The following FMO1 variants were observed in gnomAD, a reference collection of about 807,000 sequenced individuals.
FMO1 encodes the protein flavin containing dimethylaniline monoxygenase 1.
Under a neutral mutation model 45.4 loss-of-function variants are expected in FMO1, and 36 were observed. The observed-to-expected ratio is 0.79, with a 90% CI of 0.61 to 1.05. The LOEUF (loss-of-function observed/expected upper bound fraction) is 1.05. Among genes scored for constraint, FMO1 ranks in the 50% least tolerant of loss-of-function variants. The pLI is 0.00. For missense variants in FMO1, 615 were observed against 640.3 expected (o/e 0.96, Z 0.43); for synonymous variants, 228 against 227.2 (o/e 1.00, Z -0.03).
At chr1:171,253,560 G>A (rs544897295) in intron 1 of FMO1, among the ~76,000 whole-genome samples, 4 of 152,116 alleles carry the variant, frequency 2.6e-5, no homozygotes, top group Admixed American at 1.3e-4. Context: ...TCGGGAGTTC[G>A]AGACCAGCCT....
intron 2 of FMO1, among the ~76,000 whole-genome samples, chr1:171,264,973 G>C (rs1228634703): frequency 1.3e-5 from 2 of 152,074 alleles, no homozygotes; most frequent in East Asian, 3.9e-4. Context: ...CCACATGTTT[G>C]TTAGACTACC....
chr1:171,275,417 T>G lies in FMO1; in HGVS notation c.393T>G (p.His131Gln). 1 of 1,613,864 alleles carries G rather than the reference T, an allele frequency of 6.2e-7. No homozygotes were observed. Among genetic ancestry groups the G allele is most frequent in the African/African-American group, 1.3e-5 (1 of 75,068 alleles). ...GCCAATGGGAGGTGGTCACTATGCA[T>G]GAAGAGAAGCAAGAGTCAGCCATCT... ...VSGQWEVVTM[H>Q]EEKQESAIFD... is the part of the protein sequence containing the mutation. The change falls in exon 4 of 9, where the codon CAT (histidine) becomes CAG (glutamine). Residue 131 changes from histidine to glutamine, a missense_variant. Physicochemically the swap from His to Gln is conservative, Grantham distance 24 (BLOSUM62 0). Transcript: ENST00000617670.
intron 4 of FMO1, among the ~76,000 whole-genome samples, chr1:171,276,187 T>C (rs1458075310): frequency 6.6e-6 from 1 of 152,204 alleles, no homozygotes; most frequent in Non-Finnish European, 1.5e-5. Flanking sequence ...GAAACTTTTC[T>C]CCAAATCATC....
Position 171,258,062 on chromosome 1 carries a change from G to C in FMO1, c.-6-20G>C. The stretch of plus-strand genomic sequence containing the variant: ...GGTGGAGCTTGTGAATAAAAAGCCT[G>C]CTTCATCTTCCTCATGCAGGAGAAC... On this transcript the variant is annotated intron_variant, in intron 1 of 8. Coordinates refer to ENST00000617670, the MANE Select transcript of FMO1 (RefSeq NM_001282693.2). 1 of 1,613,726 alleles carries C rather than the reference G, an allele frequency of 6.2e-7. No homozygotes were observed.
intron 1 of FMO1, among the ~76,000 whole-genome samples, chr1:171,253,155 C>T (rs553481608): frequency 1.2e-4 from 18 of 152,258 alleles, no homozygotes; most frequent in African/African-American, 4.1e-4. Context: ...GACTTTGTGT[C>T]CTTTTTTCTT....
intron 1 of FMO1, 140 bp from the exon 2 acceptor site, chr1:171,257,942 C>G: frequency 1.1e-6 from 1 of 914,008 alleles, no homozygotes; most frequent in Non-Finnish European, 1.7e-6. Flanking sequence ...TTCTCACATT[C>G]ACACACCAGA....
intron 3 of FMO1, chr1:171,271,094 C>T: frequency 1.1e-6 from 1 of 908,156 alleles, no homozygotes; most frequent in Non-Finnish European, 1.8e-6. Context: ...TCAGGCTTCC[C>T]TTTAGCTCAA....
intron 3 of FMO1, chr1:171,271,100 C>G: frequency 1.1e-6 from 1 of 885,014 alleles, no homozygotes. Context: ...TTCCCTTTAG[C>G]TCAATATGCA....
rs374955112 is a variant in FMO1, at chr1:171,279,785, CAG to C, written c.627+919_627+920del. Among the ~76,000 whole-genome samples, 13 of 152,296 alleles carry C rather than the reference CAG, an allele frequency of 8.5e-5. No homozygotes were observed. In the East Asian group the frequency reaches 1.7e-3, roughly 20 times the overall value. ...AATTGCAGACGTAGTAGCTCTGCAT[CAG>C]AGAGTTTTCTATAATCTGAACCAAA... On this transcript the variant is annotated intron_variant, in intron 5 of 8. Coordinates refer to ENST00000617670, the MANE Select transcript of FMO1 (RefSeq NM_001282693.2).
intron 1 of FMO1, among the ~76,000 whole-genome samples, chr1:171,249,805 T>C (rs1659801683): frequency 4.6e-5 from 7 of 152,136 alleles, no homozygotes; most frequent in Admixed American, 4.6e-4. Flanking sequence ...TGCCAATGGC[T>C]TCCTAGTAAA....
intron 6 of FMO1, 113 bp from the exon 7 acceptor site, chr1:171,281,865 A>G: frequency 1.6e-6 from 1 of 620,166 alleles, no homozygotes; most frequent in Admixed American, 2.9e-5. Context: ...ACTTGCAGCA[A>G]TTCTTGTCCA....
At chr1:171,282,367 G>T in intron 7 of FMO1, 34 bp downstream of exon 7, 1 of 1,410,160 alleles carries the variant, frequency 7.1e-7, no homozygotes, top group Non-Finnish European at 9.9e-7. Context: ...ATGTGTTTTT[G>T]GTGTGCCATG....
Position 171,285,498 on chromosome 1 carries a change from T to TAA in FMO1, c.1553_1554insAA (p.Phe518LeufsTer13). 1 of 1,520,478 alleles carries TAA rather than the reference T, an allele frequency of 6.6e-7. No homozygotes were observed. Among genetic ancestry groups the TAA allele is most frequent in the Non-Finnish European group, 8.8e-7 (1 of 1,136,604 alleles). 94.2% of individuals were successfully genotyped at this position (1,520,478 alleles called of 1,614,324 possible). On this transcript the variant is annotated frameshift_variant, in exon 9 of 9. Coordinates refer to ENST00000617670, the MANE Select transcript of FMO1 (RefSeq NM_001282693.2). LOFTEE classifies it high-confidence loss of function. ...CCCTTTGAAAGTTTTCTTAAAGTCT[T>TAA]TAGCTTTCTGGCTTTGCTTGTGGCT...
chr1:171,271,387 T>A, intron 3 of FMO1: 1 of 1,130,288 alleles, frequency 8.8e-7, no homozygotes, highest in Non-Finnish European at 1.3e-6. Context: ...ATAATGGGCC[T>A]TGTCACCTTT....
chr1:171,264,729 A>C (rs1233889194), intron 2 of FMO1, among the ~76,000 whole-genome samples: 1 of 151,898 alleles, frequency 6.6e-6, no homozygotes, highest in East Asian at 1.9e-4. Flanking sequence ...CTCTACTAAA[A>C]ATACAAAAAA....
intron 2 of FMO1, among the ~76,000 whole-genome samples, chr1:171,264,854 G>A (rs958138085): frequency 6.7e-6 from 1 of 149,044 alleles, no homozygotes; most frequent in Admixed American, 6.6e-5. Context: ...AGCCAAGATC[G>A]GGTGACTTCA....
At chr1:171,271,009 T>C in intron 3 of FMO1, 1 of 970,276 alleles carries the variant, frequency 1.0e-6, no homozygotes, top group Non-Finnish European at 1.6e-6. Flanking sequence ...ATAATCTTCT[T>C]CATCTTCCTC....
intron 3 of FMO1, 90 bp downstream of exon 3, chr1:171,267,821 A>C: frequency 1.0e-6 from 1 of 953,860 alleles, no homozygotes; most frequent in East Asian, 2.4e-5. Context: ...TCTGTAGATG[A>C]GATACTAAAC....
Position 171,281,985 on chromosome 1 carries a change from C to A in FMO1, c.835C>A (p.Leu279Met). Residue 279 changes from leucine to methionine, a missense_variant, in exon 7 of 9, where the codon CTG becomes ATG. Physicochemically the swap from Leu to Met is conservative, Grantham distance 15. Coordinates refer to ENST00000617670, the MANE Select transcript of FMO1 (RefSeq NM_001282693.2). ...GTTCATGTTTTTGTTTAGGACTCAG[C>A]TGAAAGAGTTTGTGCTAAATGATGA... Reference protein sequence around the residue: ...YGLIPEDRTQLKEFVLNDELP... With the variant: ...YGLIPEDRTQMKEFVLNDELP... 6.3e-7 allele frequency: 1 copy of A among 1,599,208 alleles called. No individual in the cohort carries two copies. The highest frequency in any genetic ancestry group is 8.5e-7 in the Non-Finnish European group (1 of 1,172,576).
Sources: gnomAD v4.1 joint callset for allele counts (sites outside exome capture counted in the v4.1 genomes callset) on GRCh38, gnomAD v4.1.1 for gene constraint, MANE v1.5 for transcripts, NCBI Gene and HGNC (gene_info 2026-07-23, HGNC 2026-07-21) for gene names.